ACTR3C: variants seen among roughly 807,000 people sequenced by gnomAD.
ACTR3C encodes the protein actin-related protein 3C.
A neutral mutation model predicts 26.3 loss-of-function variants in ACTR3C; 18 were observed. The ratio of observed to expected loss-of-function variants is 0.68; its 90% CI spans 0.47 to 1.01. The LOEUF (loss-of-function observed/expected upper bound fraction) is 1.01, where lower values mean the gene tolerates loss of function less well. ACTR3C is among the 50% of genes least tolerant of loss of function. The pLI is 0.00. For synonymous variants in ACTR3C, 55 were observed against 94.5 expected (o/e 0.58, Z 2.42); for missense variants, 184 against 250.7 (o/e 0.73, Z 1.80).
At chr7:150,053,668 T>A in the ACTR3C span, among the ~76,000 whole-genome samples, 3 of 151,954 alleles carry the variant, frequency 2.0e-5, no homozygotes, top group Admixed American at 1.3e-4. Context: ...AAAGATAGGG[T>A]CAGTCAAATG....
At chr7:149,948,281 G>GCA in the ACTR3C span, among the ~76,000 whole-genome samples, 21 of 118,564 alleles carry the variant, frequency 1.8e-4, no homozygotes, top group African/African-American at 6.2e-4. Context: ...AGCATCACAG[G>GCA]TGACAGACGT....
chr7:150,084,268 C>T, the ACTR3C span, among the ~76,000 whole-genome samples: 9 of 151,876 alleles, frequency 5.9e-5, no homozygotes, highest in African/African-American at 2.2e-4. Flanking sequence ...ACTTTAAAAA[C>T]TGAATGTTTC....
the ACTR3C span, among the ~76,000 whole-genome samples, chr7:150,121,129 C>T: frequency 6.6e-6 from 1 of 152,136 alleles, no homozygotes; most frequent in Admixed American, 6.5e-5. Context: ...GCCAATATCA[C>T]ACTGAATGGG....
intron 4 of ACTR3C, among the ~76,000 whole-genome samples, chr7:150,286,757 C>T (rs935482937): frequency 9.9e-5 from 15 of 151,390 alleles, no homozygotes; most frequent in Non-Finnish European, 1.8e-4. Flanking sequence ...TCTGCTTTCT[C>T]TGCAACTCAG....
downstream of ACTR3C, among the ~76,000 whole-genome samples, chr7:150,239,106 T>C (rs987676503): frequency 9.9e-5 from 15 of 152,210 alleles, no homozygotes; most frequent in African/African-American, 3.6e-4. Context: ...ATATTCCTTC[T>C]GACTGCCCCA....
chr7:150,145,049 CA>C, the ACTR3C span, among the ~76,000 whole-genome samples: 11,265 of 103,566 alleles, frequency 0.11, 405 homozygotes, highest in African/African-American at 0.23. Flanking sequence ...GACTCCATCT[CA>C]AAAAAAAAAA....
At chr7:150,112,570 TGG>T in the ACTR3C span, among the ~76,000 whole-genome samples, 3 of 152,142 alleles carry the variant, frequency 2.0e-5, no homozygotes. Flanking sequence ...CCCTCCTGGC[TGG>T]GAAGTGGAGC....
the ACTR3C span, among the ~76,000 whole-genome samples, chr7:150,181,716 C>T: frequency 0.012 from 1,764 of 150,712 alleles, 165 homozygotes; most frequent in African/African-American, 0.042. Flanking sequence ...TTTTAAAAAA[C>T]ATAGCATAGT....
At chr7:150,091,983 G>A in the ACTR3C span, among the ~76,000 whole-genome samples, 8 of 21,856 alleles carry the variant, frequency 3.7e-4, no homozygotes, top group South Asian at 3.5e-3. Flanking sequence ...GCGAGACTCC[G>A]TCTCAAAAAA....
intron 6 of ACTR3C, among the ~76,000 whole-genome samples, chr7:150,249,973 T>C (rs1426622898): frequency 5.3e-5 from 8 of 152,126 alleles, no homozygotes; most frequent in Non-Finnish European, 1.0e-4. Flanking sequence ...ACATGGTGGA[T>C]CCATTGACAC....
chr7:150,083,686 C>T, the ACTR3C span, among the ~76,000 whole-genome samples: 2 of 152,232 alleles, frequency 1.3e-5, no homozygotes, highest in African/African-American at 4.8e-5. Flanking sequence ...CTTTTCTCCT[C>T]TGATGCTCTT....
At chr7:150,117,542 C>G in the ACTR3C span, among the ~76,000 whole-genome samples, 1 of 152,266 alleles carries the variant, frequency 6.6e-6, no homozygotes, top group East Asian at 1.9e-4. Flanking sequence ...GATTCCTTCT[C>G]TCTGGGCAGG....
At chr7:150,100,730 G>T in the ACTR3C span, among the ~76,000 whole-genome samples, 1 of 151,082 alleles carries the variant, frequency 6.6e-6, no homozygotes, top group Non-Finnish European at 1.5e-5. Context: ...TGAGATGGGG[G>T]CCTCACTTTG....
At chr7:150,313,329 G>A (rs908023131) in intron 1 of ACTR3C, among the ~76,000 whole-genome samples, 20 of 152,198 alleles carry the variant, frequency 1.3e-4, no homozygotes, top group African/African-American at 4.8e-4. Context: ...GGGTGGGGGT[G>A]TTCCAGGTCA....
chr7:150,037,850 T>TC, the ACTR3C span, among the ~76,000 whole-genome samples: 10 of 86,578 alleles, frequency 1.2e-4, no homozygotes, highest in African/African-American at 3.5e-4. Flanking sequence ...GGAGGGTGCC[T>TC]CCGCCCCCAG....
At chr7:150,185,688 C>T in the ACTR3C span, among the ~76,000 whole-genome samples, 23,239 of 140,306 alleles carry the variant, frequency 0.17, 2,856 homozygotes, top group African/African-American at 0.35. Flanking sequence ...CCAATCTACC[C>T]TCCCTCTCTC....
At chr7:149,956,036 A>G in the ACTR3C span, among the ~76,000 whole-genome samples, 2 of 152,176 alleles carry the variant, frequency 1.3e-5, no homozygotes, top group African/African-American at 4.8e-5. Flanking sequence ...CAAGCATTTT[A>G]TTTATGTATT....
At chr7:150,135,532 T>C in the ACTR3C span, among the ~76,000 whole-genome samples, 1 of 152,142 alleles carries the variant, frequency 6.6e-6, no homozygotes, top group Non-Finnish European at 1.5e-5. Context: ...CACCATAATA[T>C]TATCTAGACT....
the ACTR3C span, among the ~76,000 whole-genome samples, chr7:150,136,239 T>C: frequency 1.3e-5 from 2 of 152,208 alleles, no homozygotes; most frequent in Non-Finnish European, 2.9e-5. Context: ...CCGGTGCTGC[T>C]AGGAGACATG....
Sources: gnomAD v4.1 joint callset for allele counts (sites outside exome capture counted in the v4.1 genomes callset) on GRCh38, gnomAD v4.1.1 for gene constraint, MANE v1.5 for transcripts, NCBI Gene and HGNC (gene_info 2026-07-23, HGNC 2026-07-21) for gene names.